The following MS4A8 variants were observed in gnomAD, a reference collection of about 807,000 sequenced individuals.
MS4A8 encodes membrane-spanning 4-domains subfamily A member 8.
A neutral mutation model predicts 23.7 loss-of-function variants in MS4A8; 27 were observed. That is an observed-to-expected ratio of 1.14 (90% confidence interval 0.84 to 1.57). The LOEUF (loss-of-function observed/expected upper bound fraction) is 1.57, where lower values mean the gene tolerates loss of function less well. Ranked by LOEUF, MS4A8 falls within the 40% of genes most tolerant of loss-of-function variation. MS4A8 has a pLI of 0.00. For synonymous variants in MS4A8, 138 were observed against 126.3 expected, an observed-to-expected ratio of 1.09 and a Z score of -0.62; for missense variants, 301 against 311.4, an observed-to-expected ratio of 0.97 and a Z score of 0.25.
Position 60,703,366 on chromosome 11 carries a change from C to G in MS4A8, c.220-12C>G. 6.5e-7 allele frequency: 1 copy of G among 1,534,434 alleles called. No individual in the cohort carries two copies. Among genetic ancestry groups the G allele is most frequent in the Non-Finnish European group, 8.8e-7 (1 of 1,142,152 alleles). On this transcript the variant is annotated splice_polypyrimidine_tract_variant and intron_variant, in intron 2 of 6. Coordinates refer to ENST00000300226, the MANE Select transcript of MS4A8 (RefSeq NM_031457.2). ...TCAGAAACAAGACTTCAGCTTGTGG[C>G]TCTCCTGACAGGCCATCCAGATCAT...
intron 5 of MS4A8, chr11:60,712,301 A>G: frequency 1.0e-6 from 1 of 984,456 alleles, no homozygotes; most frequent in South Asian, 4.7e-5. Context: ...GTGAATTATA[A>G]TTATCATCTG....
At position 60,703,447 on chromosome 11, in the gene MS4A8, G is replaced by C; in HGVS notation, c.289G>C (p.Glu97Gln). ...CATCATGGCGACGGTTCTCGTAGGG[G>C]AATACCTGTCTATTTCATTCTACGG... ...GSIMATVLVGEYLSISFYGGF... is the reference protein window; with the variant it reads ...GSIMATVLVGQYLSISFYGGF... The change falls in exon 3 of 7, where the codon GAA (glutamate) becomes CAA (glutamine). Residue 97 changes from glutamate (E) to glutamine (Q), a missense_variant. Physicochemically the swap from Glu to Gln is conservative, Grantham distance 29. Transcript: ENST00000300226. The C allele has an allele frequency of 2.5e-6, 4 of 1,608,694 alleles. No homozygotes were observed. The highest frequency in any genetic ancestry group is 2.5e-6 in the Non-Finnish European group (3 of 1,177,826).
chr11:60,708,151 A>G (rs1296694267), intron 4 of MS4A8, among the ~76,000 whole-genome samples: 3 of 152,092 alleles, frequency 2.0e-5, no homozygotes, highest in African/African-American at 7.2e-5. Flanking sequence ...TCCAGCCCCA[A>G]AGATTATTCT....
At chr11:60,704,650 G>A (rs2088238299) in intron 3 of MS4A8, among the ~76,000 whole-genome samples, 1 of 152,072 alleles carries the variant, frequency 6.6e-6, no homozygotes, top group African/African-American at 2.4e-5. Flanking sequence ...CTCCATTTTG[G>A]CAAAATACCT....
chr11:60,700,374 C>T (rs996620301), intron 1 of MS4A8, among the ~76,000 whole-genome samples: 1 of 152,106 alleles, frequency 6.6e-6, no homozygotes, highest in Non-Finnish European at 1.5e-5. Context: ...GGGGAAACCC[C>T]ATCTCTACTA....
In MS4A8 at chr11:60,701,044, G is replaced by A; in HGVS notation, c.184G>A (p.Val62Met). The change falls in exon 2 of 7, where the codon GTG becomes ATG. Residue 62 changes from valine (V) to methionine (M), a missense_variant. By Grantham distance (21) the Val-to-Met change is conservative. Transcript: ENST00000300226. ...GGTGTCGAATGTGAATGGGCAGCCT[G>A]TGCAGAAAGCTCTGAAAGAAGGCAA... ...SLVSNVNGQP[V>M]QKALKEGKTL... is the part of the protein sequence containing the mutation. 3 of 1,614,170 alleles carry A rather than the reference G, an allele frequency of 1.9e-6. No individual in the cohort carries two copies. Among genetic ancestry groups the A allele is most frequent in the Non-Finnish European group, 2.5e-6 (3 of 1,180,038 alleles).
chr11:60,702,341 T>TGTATG (rs2088212134), intron 2 of MS4A8, among the ~76,000 whole-genome samples: 1 of 152,246 alleles, frequency 6.6e-6, no homozygotes, highest in Non-Finnish European at 1.5e-5. Flanking sequence ...GCAGAATGAT[T>TGTATG]GTATGGGTAC....
At chr11:60,708,873 A>G (rs2088279519) in intron 5 of MS4A8, 92 bp downstream of exon 5, 2 of 1,479,796 alleles carry the variant, frequency 1.4e-6, no homozygotes, top group East Asian at 2.3e-5. Context: ...AAGCTACCTC[A>G]CTGAACATGG....
At chr11:60,702,679 G>A (rs1416874312) in intron 2 of MS4A8, among the ~76,000 whole-genome samples, 5 of 152,216 alleles carry the variant, frequency 3.3e-5, no homozygotes, top group Non-Finnish European at 7.3e-5. Context: ...GATTACAGGT[G>A]TGAGCCACTG....
chr11:60,705,945 C>T (rs546797911), intron 3 of MS4A8, among the ~76,000 whole-genome samples: 3 of 152,290 alleles, frequency 2.0e-5, no homozygotes, highest in East Asian at 3.9e-4. Flanking sequence ...AAGAGTAATA[C>T]TGCTTGATGG....
intron 5 of MS4A8, among the ~76,000 whole-genome samples, chr11:60,710,660 A>T (rs2088293192): frequency 6.6e-6 from 1 of 152,108 alleles, no homozygotes; most frequent in African/African-American, 2.4e-5. Context: ...CATGGCCACC[A>T]GAGGGATCCT....
intron 5 of MS4A8, among the ~76,000 whole-genome samples, chr11:60,714,311 T>C (rs1470387094): frequency 6.6e-6 from 1 of 152,156 alleles, no homozygotes; most frequent in African/African-American, 2.4e-5. Flanking sequence ...TAACCCTGAC[T>C]TGACACAGCA....
intron 5 of MS4A8, among the ~76,000 whole-genome samples, chr11:60,709,571 T>C (rs1195492168): frequency 6.6e-6 from 1 of 152,238 alleles, no homozygotes; most frequent in Non-Finnish European, 1.5e-5. Flanking sequence ...CACATCTCGA[T>C]TTGGGACCAG....
Position 60,707,011 on chromosome 11 carries a change from C to T in MS4A8, c.366C>T (p.Ser122=), listed in dbSNP as rs751682167. 1.5e-5 allele frequency: 24 copies of T among 1,614,006 alleles called. No homozygotes were observed. Among genetic ancestry groups the T allele is most frequent in the East Asian group, 4.5e-5 (2 of 44,902 alleles). The part of the protein sequence containing the change: ...GLWFIISGSL[S]VAAENQPYSY... The stretch of plus-strand genomic sequence containing the variant: ...AGTTTATCATTTCAGGATCTCTCTC[C>T]GTGGCAGCAGAAAATCAGCCATATT... The change falls in exon 4 of 7, where the codon TCC becomes TCT. Residue 122 remains serine, a synonymous_variant. Transcript: ENST00000300226.
At chr11:60,711,367 C>G (rs1295020020) in intron 5 of MS4A8, among the ~76,000 whole-genome samples, 1 of 152,240 alleles carries the variant, frequency 6.6e-6, no homozygotes, top group East Asian at 1.9e-4. Context: ...GGCAAAGCCT[C>G]TCCCTAGAGA....
Position 60,703,490 on chromosome 11 carries a change from G to T in MS4A8, c.332G>T (p.Gly111Val). 1 of 1,607,542 alleles carries T rather than the reference G, an allele frequency of 6.2e-7. No homozygotes were observed. The highest frequency in any genetic ancestry group is 1.1e-5 in the South Asian group (1 of 89,764). ...ISFYGGFPFW[G>V]GLWFIISGSL... Reference sequence around the variant, plus strand: ...TTCTACGGAGGCTTTCCCTTCTGGGGAGGCTTGTGGGTGAGTAACTCAAGT... The same window carrying T: ...TTCTACGGAGGCTTTCCCTTCTGGGTAGGCTTGTGGGTGAGTAACTCAAGT... The change falls in exon 3 of 7, where the codon GGA (glycine) becomes GTA (valine). Residue 111 changes from glycine to valine, a missense_variant. Physicochemically the swap from Gly to Val is moderately radical, Grantham distance 109. Transcript: ENST00000300226.
At position 60,701,466 on chromosome 11, in the gene MS4A8, C is replaced by T. The variant is rs1368605993; in HGVS notation, c.219+387C>T. The stretch of plus-strand genomic sequence containing the variant: ...AATCAAATATTTGCCCAACAGGAAA[C>T]AAAGCAGGTTAGGCAACCAACAACA... On this transcript the variant is annotated intron_variant, in intron 2 of 6. Coordinates refer to ENST00000300226, the MANE Select transcript of MS4A8 (RefSeq NM_031457.2). The T allele has an allele frequency of 2.1e-5, 8 of 375,240 alleles. 1 individual carries two copies. Among genetic ancestry groups the T allele is most frequent in the South Asian group, 1.4e-4 (7 of 49,480 alleles). The allele number at this position is 375,240 out of a possible 1,614,324, so 23.2% of individuals were successfully genotyped here. A position where few individuals can be genotyped will look rare whatever the true frequency, so the allele number is the denominator to read the frequency against.
intron 3 of MS4A8, among the ~76,000 whole-genome samples, chr11:60,705,727 C>T (rs546039969): frequency 7.2e-5 from 11 of 152,244 alleles, no homozygotes; most frequent in Non-Finnish European, 1.0e-4. Context: ...ACTATGTCCA[C>T]TCTATGGCAC....
At chr11:60,708,853 C>G (rs761608359) in intron 5 of MS4A8, 72 bp downstream of exon 5, 1 of 1,572,520 alleles carries the variant, frequency 6.4e-7, no homozygotes, top group Admixed American at 1.7e-5. Flanking sequence ...CCAGAAAGGG[C>G]TTGACAACCA....
Sources: allele counts gnomAD v4.1 joint callset (sites outside exome capture counted in the v4.1 genomes callset), GRCh38; gene constraint gnomAD v4.1.1; transcripts MANE v1.5; gene names NCBI Gene and HGNC (gene_info 2026-07-23, HGNC 2026-07-21).